The following DYRK1B variants were observed in gnomAD, a reference collection of about 807,000 sequenced individuals.
DYRK1B encodes the protein dual specificity tyrosine-phosphorylation-regulated kinase 1B.
In DYRK1B, 20 loss-of-function variants were observed where a neutral mutation model predicts 57.1. That is an observed-to-expected ratio of 0.35 (90% CI 0.25 to 0.51). The LOEUF is 0.51. Ranked by LOEUF, DYRK1B falls within the 20% of genes least tolerant of loss-of-function variation. The pLI, the probability that DYRK1B is intolerant of heterozygous loss-of-function variation, is 0.96. For missense variants in DYRK1B, 732 were observed against 886.3 expected, an observed-to-expected ratio of 0.83 and a Z score of 2.21; for synonymous variants, 409 against 384.7, an observed-to-expected ratio of 1.06 and a Z score of -0.74.
chr19:39,826,148 A>G lies in DYRK1B; in HGVS notation c.1518+32T>C. ...TGGTCTCTAAGCCCCAGGCACCACC[A>G]CCCACCTCCAAAGCCCCCAAAGCCC... On this transcript the variant is annotated intron_variant, in intron 10 of 10. Transcript: ENST00000323039. The surrounding 1 kb of genome is among the most constrained non-coding windows in gnomAD (Gnocchi z 6.3). 1 of 1,590,304 alleles carries G rather than the reference A, an allele frequency of 6.3e-7. No individual in the cohort carries two copies. The highest frequency in any genetic ancestry group is 8.5e-7 in the Non-Finnish European group (1 of 1,171,060).
rs2145018084 is a variant in DYRK1B, at chr19:39,828,645, C to T, written c.521-62G>A. On this transcript the variant is annotated intron_variant, in intron 5 of 10. Coordinates refer to ENST00000323039, the MANE Select transcript of DYRK1B (RefSeq NM_004714.3). The surrounding 1 kb of genome is among the most constrained non-coding windows in gnomAD (Gnocchi z 4.3). ...CGGCTCAGAGAGGGCAGGTGGTGGC[C>T]TGGGGTCATACAACGCTCTTTGATT... 1.3e-6 allele frequency: 2 copies of T among 1,527,672 alleles called. No homozygotes were observed. The highest frequency in any genetic ancestry group is 1.8e-6 in the Non-Finnish European group (2 of 1,125,856). 94.6% of individuals were successfully genotyped at this position (1,527,672 alleles called of 1,614,324 possible). A position where few individuals can be genotyped will look rare whatever the true frequency, so the allele number is the denominator to read the frequency against.
Position 39,826,040 on chromosome 19 carries a change from G to C in DYRK1B, c.1565C>G (p.Pro522Arg). 6.6e-7 allele frequency: 1 copy of C among 1,518,860 alleles called. No homozygotes were observed. The highest frequency in any genetic ancestry group is 8.8e-7 in the Non-Finnish European group (1 of 1,136,406). The allele number at this position is 1,518,860 out of a possible 1,614,324, so 94.1% of individuals were successfully genotyped here. Residue 522 changes from proline to arginine, a missense_variant, in exon 11 of 11, where the codon CCC (proline) becomes CGC (arginine). Transcript: ENST00000323039. This position sits in a 1 kb window ranked among gnomAD's most constrained non-coding sequence, Gnocchi z 6.3. Reference protein sequence around the residue: ...PLRPWAGGDVPHKTHQAPASA... With the variant: ...PLRPWAGGDVRHKTHQAPASA... ...GGCAGGGGCTTGATGTGTCTTGTGG[G>C]GCACATCACCCCCTGCCCAGGGCCG...
chr19:39,828,535 A>G lies in DYRK1B; in HGVS notation c.569T>C (p.Phe190Ser). The G allele has an allele frequency of 6.2e-7, 1 of 1,613,064 alleles. No homozygotes were observed. The highest frequency in any genetic ancestry group is 8.5e-7 in the Non-Finnish European group (1 of 1,179,322). The change falls in exon 6 of 11, where the codon TTT (phenylalanine) becomes TCT (serine). Residue 190 changes from phenylalanine (F) to serine (S), a missense_variant. Transcript: ENST00000323039. This position sits in a 1 kb window ranked among gnomAD's most constrained non-coding sequence, Gnocchi z 4.3. ...GTACAGGTTGTAGGACAGCAGCTCA[A>G]ATACCAGGCACAGGTGGTTCCGGAA... ...FMFRNHLCLV[F>S]ELLSYNLYDL... is the part of the protein sequence containing the mutation.
Position 39,826,999 on chromosome 19 carries a change from G to T in DYRK1B, c.1096-12C>A, listed in dbSNP as rs959089271. ...GGGCCCTGGTAATCCTGGCAGGGAG[G>T]GGGTGGGAGGGGGGGCAAGAGAGTG... is the stretch of plus-strand genomic sequence containing the variant. On this transcript the variant is annotated splice_polypyrimidine_tract_variant and intron_variant, in intron 8 of 10. Coordinates refer to ENST00000323039, the MANE Select transcript of DYRK1B (RefSeq NM_004714.3). This position sits in a 1 kb window ranked among gnomAD's most constrained non-coding sequence, Gnocchi z 6.3. The T allele has an allele frequency of 7.1e-7, 1 of 1,413,458 alleles. No homozygotes were observed. Among genetic ancestry groups the T allele is most frequent in the Non-Finnish European group, 9.2e-7 (1 of 1,082,106 alleles). 87.6% of individuals were successfully genotyped at this position (1,413,458 alleles called of 1,614,324 possible).
Position 39,826,832 on chromosome 19 carries a change from G to A in DYRK1B, c.1251C>T (p.Ala417=), listed in dbSNP as rs1034254717. The A allele has an allele frequency of 5.1e-5, 76 of 1,490,308 alleles. No homozygotes were observed. Among genetic ancestry groups the A allele is most frequent in the East Asian group, 1.0e-4 (4 of 39,450 alleles). The allele number at this position is 1,490,308 out of a possible 1,614,324, so 92.3% of individuals were successfully genotyped here. ...GAGCCCCCAGGGGGCTGATGCGGGC[G>A]GCGGGCTCATACTCCAGCATGCGCA... ...LVLRMLEYEP[A]ARISPLGALQ... is the part of the protein sequence containing the mutation. Residue 417 remains alanine, a synonymous_variant, in exon 9 of 11, where the codon GCC becomes GCT. Coordinates refer to ENST00000323039, the MANE Select transcript of DYRK1B (RefSeq NM_004714.3). The surrounding 1 kb of genome is among the most constrained non-coding windows in gnomAD (Gnocchi z 6.3).
In DYRK1B at chr19:39,828,916, GTTTAC is replaced by G. The variant is rs1256457408; in HGVS notation, c.521-338_521-334del. Among the ~76,000 whole-genome samples, 12 of 151,928 alleles carry G rather than the reference GTTTAC, an allele frequency of 7.9e-5. No homozygotes were observed. The East Asian group carries it at 2.1e-3, about 27-fold the overall frequency. On this transcript the variant is annotated intron_variant, in intron 5 of 10. Coordinates refer to ENST00000323039, the MANE Select transcript of DYRK1B (RefSeq NM_004714.3). The surrounding 1 kb of genome is among the most constrained non-coding windows in gnomAD (Gnocchi z 4.3). ...TTGTGGCAAAGGACACTGGTTTTCC[GTTTAC>G]TTTAAGGATATACGTTTTCCTTTCA...
At position 39,825,472 on chromosome 19, in the gene DYRK1B, G is replaced by A; in HGVS notation, c.*243C>T. The stretch of plus-strand genomic sequence containing the variant: ...GTCTTCCCTCCACCGGACCACCACT[G>A]TCTTTGGTACAATAAATAGAAAAAA... On this transcript the variant is annotated 3_prime_UTR_variant, in exon 11 of 11. Transcript: ENST00000323039. 1 of 544,738 alleles carries A rather than the reference G, an allele frequency of 1.8e-6. No homozygotes were observed. The highest frequency in any genetic ancestry group is 2.2e-5 in the South Asian group (1 of 45,312). The allele number at this position is 544,738 out of a possible 1,614,324, so 33.7% of individuals were successfully genotyped here. A position where few individuals can be genotyped will look rare whatever the true frequency, so the allele number is the denominator to read the frequency against.
At chr19:39,831,073 GGA>G (rs1410997267) in intron 2 of DYRK1B, among the ~76,000 whole-genome samples, 2 of 152,126 alleles carry the variant, frequency 1.3e-5, no homozygotes, top group African/African-American at 4.8e-5. Context: ...AACCTCAGAG[GGA>G]GAGATCATAT....
chr19:39,828,653 A>C lies in DYRK1B; in HGVS notation c.521-70T>G. ...AGAGGGCAGGTGGTGGCCTGGGGTC[A>C]TACAACGCTCTTTGATTACTAGCCA... On this transcript the variant is annotated intron_variant, in intron 5 of 10. Transcript: ENST00000323039. This position sits in a 1 kb window ranked among gnomAD's most constrained non-coding sequence, Gnocchi z 4.3. The C allele has an allele frequency of 6.7e-7, 1 of 1,486,306 alleles. No homozygotes were observed. The highest frequency in any genetic ancestry group is 2.0e-5 in the Admixed American group (1 of 49,710). 92.1% of individuals were successfully genotyped at this position (1,486,306 alleles called of 1,614,324 possible). A position where few individuals can be genotyped will look rare whatever the true frequency, so the allele number is the denominator to read the frequency against.
Position 39,825,779 on chromosome 19 carries a change from G to A in DYRK1B, c.1826C>T (p.Pro609Leu), listed in dbSNP as rs775501167. The A allele has an allele frequency of 9.5e-6, 15 of 1,572,530 alleles. No homozygotes were observed. The Admixed American group carries it at 2.7e-4, about 28-fold the overall frequency. Residue 609 changes from proline to leucine, a missense_variant, in exon 11 of 11, where the codon CCT (proline) becomes CTT (leucine). Transcript: ENST00000323039. Reference protein sequence around the residue: ...GRPPLPPPDDPATLGPHLGLR... With the variant: ...GRPPLPPPDDLATLGPHLGLR... ...GCCCAGGTGAGGCCCCAGAGTGGCA[G>A]GGTCATCAGGAGGCGGGAGGGGTGG...
chr19:39,829,214 GTTTT>G (rs1465681168), intron 5 of DYRK1B, among the ~76,000 whole-genome samples: 2 of 150,050 alleles, frequency 1.3e-5, no homozygotes, highest in South Asian at 2.1e-4. Flanking sequence ...ATTAGGTTTG[GTTTT>G]TTGTTTGTTT....
chr19:39,832,335 G>A (rs1220152285), intron 1 of DYRK1B, among the ~76,000 whole-genome samples: 1 of 152,092 alleles, frequency 6.6e-6, no homozygotes, highest in Non-Finnish European at 1.5e-5. Flanking sequence ...AGTATGCAGA[G>A]GAGTAGGCTT....
chr19:39,833,306 C>T (rs1342042573), intron 1 of DYRK1B: 2 of 985,316 alleles, frequency 2.0e-6, no homozygotes, highest in Admixed American at 6.1e-5. Context: ...GGGGCTGGGG[C>T]GCGGTGGGGC....
Position 39,826,331 on chromosome 19 carries a change from A to G in DYRK1B, c.1412-45T>C, listed in dbSNP as rs751818461. The G allele has an allele frequency of 3.4e-6, 5 of 1,473,874 alleles. No homozygotes were observed. Among genetic ancestry groups the G allele is most frequent in the African/African-American group, 1.4e-5 (1 of 69,928 alleles). The allele number at this position is 1,473,874 out of a possible 1,614,324, so 91.3% of individuals were successfully genotyped here. Reference sequence around the variant, plus strand: ...GAGGTGAAGGGGCATAAGGTGAGAGAAGGTGGCGAGTGGGTTTTGGGATGG... The same window carrying G: ...GAGGTGAAGGGGCATAAGGTGAGAGGAGGTGGCGAGTGGGTTTTGGGATGG... On this transcript the variant is annotated intron_variant, in intron 9 of 10. Coordinates refer to ENST00000323039, the MANE Select transcript of DYRK1B (RefSeq NM_004714.3). The surrounding 1 kb of genome is among the most constrained non-coding windows in gnomAD (Gnocchi z 6.3).
chr19:39,825,992 G>C lies in DYRK1B; in HGVS notation c.1613C>G (p.Thr538Ser), dbSNP rs368223513. The part of the protein sequence containing the change: ...APASASSLPG[T>S]GAQLPPQPRY... ...GGGCTGGGGGGGTAACTGGGCCCCG[G>C]TCCCAGGCAGTGACGAGGCAGAGGC... Residue 538 changes from threonine (T) to serine (S), a missense_variant, in exon 11 of 11, where the codon ACC becomes AGC. This residue lies in a region of DYRK1B where 222 missense variants were observed against 205.0 expected (regional missense o/e 1.08). Coordinates refer to ENST00000323039, the MANE Select transcript of DYRK1B (RefSeq NM_004714.3). 3.0e-5 allele frequency: 45 copies of C among 1,523,734 alleles called. No individual in the cohort carries two copies. In the Middle Eastern group the frequency reaches 1.1e-3, roughly 36 times the overall value. 94.4% of individuals were successfully genotyped at this position (1,523,734 alleles called of 1,614,324 possible). A position where few individuals can be genotyped will look rare whatever the true frequency, so the allele number is the denominator to read the frequency against.
intron 1 of DYRK1B, among the ~76,000 whole-genome samples, chr19:39,832,664 A>C (rs1968872001): frequency 6.6e-6 from 1 of 152,016 alleles, no homozygotes; most frequent in Non-Finnish European, 1.5e-5. Context: ...ATTCTCATCC[A>C]CCAGGGCACG....
At chr19:39,827,474 C>G in intron 7 of DYRK1B, 36 bp downstream of exon 7, 1 of 1,610,296 alleles carries the variant, frequency 6.2e-7, no homozygotes, top group Non-Finnish European at 8.5e-7. Flanking sequence ...GGCTCCACCC[C>G]CTCCACCTCC....
chr19:39,827,537 T>G lies in DYRK1B; in HGVS notation c.927A>C (p.Gly309=), dbSNP rs1021537226. The G allele has an allele frequency of 6.2e-7, 1 of 1,613,904 alleles. No individual in the cohort carries two copies. Among genetic ancestry groups the G allele is most frequent in the African/African-American group, 1.3e-5 (1 of 74,916 alleles). The change falls in exon 7 of 11, where the codon GGA becomes GGC. Residue 309 remains glycine (G), a synonymous_variant. Coordinates refer to ENST00000323039, the MANE Select transcript of DYRK1B (RefSeq NM_004714.3). ...LGCILVEMHT[G]EPLFSGSNEV... is the part of the protein sequence containing the mutation. The stretch of plus-strand genomic sequence containing the variant: ...CATTGGAGCCACTGAAGAGGGGCTC[T>G]CCGGTGTGCATCTCCACAAGGATGC...
intron 5 of DYRK1B, 131 bp downstream of exon 5, chr19:39,829,749 A>T (rs1403254396): frequency 1.8e-5 from 18 of 1,004,440 alleles, no homozygotes; most frequent in Non-Finnish European, 2.6e-5. Flanking sequence ...GATGTCAGAG[A>T]AGCACAGACC....
Sources: allele counts gnomAD v4.1 joint callset (sites outside exome capture counted in the v4.1 genomes callset), GRCh38; gene constraint gnomAD v4.1.1; regional missense constraint gnomAD v4.1.1; non-coding constraint Gnocchi (gnomAD v3.1); transcripts MANE v1.5; gene names NCBI Gene and HGNC (gene_info 2026-07-23, HGNC 2026-07-21).